Variants in REDIC1 observed in about 807,000 individuals in gnomAD.
REDIC1 encodes the protein regulator of DNA class I crossover intermediates 1.
At chr12:39,666,555 T>C in the REDIC1 span, among the ~76,000 whole-genome samples, 1 of 152,230 alleles carries the variant, frequency 6.6e-6, no homozygotes, top group Admixed American at 6.5e-5. Flanking sequence ...TGCCCGGCTT[T>C]GGTATCAGGA....
the REDIC1 span, among the ~76,000 whole-genome samples, chr12:39,700,128 A>C: frequency 6.6e-6 from 1 of 152,326 alleles, no homozygotes; most frequent in South Asian, 2.1e-4. Context: ...GCTTCAGACA[A>C]TCAAATTACT....
the REDIC1 span, among the ~76,000 whole-genome samples, chr12:39,703,991 A>C: frequency 6.6e-6 from 1 of 152,232 alleles, no homozygotes; most frequent in African/African-American, 2.4e-5. Context: ...AAGCCTAGGC[A>C]TTACCATTCA....
At chr12:39,672,216 G>C in the REDIC1 span, among the ~76,000 whole-genome samples, 1 of 152,134 alleles carries the variant, frequency 6.6e-6, no homozygotes, top group Non-Finnish European at 1.5e-5. Flanking sequence ...CAGATGCAGG[G>C]GTGTGTGGAA....
the REDIC1 span, among the ~76,000 whole-genome samples, chr12:39,896,786 G>T: frequency 2.0e-5 from 3 of 151,996 alleles, no homozygotes; most frequent in Non-Finnish European, 2.9e-5. Flanking sequence ...GGTTATAAAA[G>T]TTGCATATAT....
At chr12:39,636,651 ATAT>A in the REDIC1 span, among the ~76,000 whole-genome samples, 4 of 152,012 alleles carry the variant, frequency 2.6e-5, no homozygotes, top group South Asian at 8.3e-4. Flanking sequence ...CAAATTTAAG[ATAT>A]TATTATAAGA....
the REDIC1 span, among the ~76,000 whole-genome samples, chr12:39,802,684 T>C: frequency 1.3e-5 from 2 of 152,200 alleles, no homozygotes; most frequent in Non-Finnish European, 1.5e-5. Flanking sequence ...TATATATGTC[T>C]ATGTATACAC....
At chr12:39,699,407 G>T in the REDIC1 span, among the ~76,000 whole-genome samples, 1 of 152,186 alleles carries the variant, frequency 6.6e-6, no homozygotes, top group Non-Finnish European at 1.5e-5. Flanking sequence ...TTAAAAAATG[G>T]CACACCAGGA....
the REDIC1 span, chr12:39,721,071 T>C: frequency 1.2e-6 from 2 of 1,613,806 alleles, no homozygotes; most frequent in South Asian, 1.1e-5. Flanking sequence ...CAAGGTGTGA[T>C]GCAGGGATAC....
At chr12:39,697,034 A>G in the REDIC1 span, among the ~76,000 whole-genome samples, 2 of 152,234 alleles carry the variant, frequency 1.3e-5, no homozygotes, top group African/African-American at 4.8e-5. Flanking sequence ...AACACCTAGC[A>G]GATTTAACCC....
the REDIC1 span, among the ~76,000 whole-genome samples, chr12:39,661,976 C>T: frequency 1.3e-5 from 2 of 151,938 alleles, no homozygotes; most frequent in Non-Finnish European, 2.9e-5. Flanking sequence ...GGGTTTATTT[C>T]TGGGTTCTCA....
chr12:39,819,350 G>A, the REDIC1 span, among the ~76,000 whole-genome samples: 1 of 151,992 alleles, frequency 6.6e-6, no homozygotes, highest in Non-Finnish European at 1.5e-5. Flanking sequence ...TAGGACCTTT[G>A]ACATTATTTT....
At chr12:39,692,398 T>C in the REDIC1 span, among the ~76,000 whole-genome samples, 1 of 151,980 alleles carries the variant, frequency 6.6e-6, no homozygotes, top group Admixed American at 6.6e-5. Context: ...TGAAGATTTC[T>C]TCAATTGTAT....
chr12:39,722,679 A>G, the REDIC1 span, among the ~76,000 whole-genome samples: 1 of 152,174 alleles, frequency 6.6e-6, no homozygotes, highest in Non-Finnish European at 1.5e-5. Context: ...TTCTGTTTTT[A>G]TCAATATCAT....
chr12:39,763,557 A>G, the REDIC1 span, among the ~76,000 whole-genome samples: 1 of 152,010 alleles, frequency 6.6e-6, no homozygotes, highest in Non-Finnish European at 1.5e-5. Flanking sequence ...TACTAGAGAG[A>G]GCTAAGGGCA....
At chr12:39,722,676 T>C in the REDIC1 span, among the ~76,000 whole-genome samples, 23 of 152,154 alleles carry the variant, frequency 1.5e-4, no homozygotes, top group African/African-American at 5.3e-4. Flanking sequence ...TAGTTCTGTT[T>C]TTATCAATAT....
At chr12:39,896,448 ATG>A in the REDIC1 span, among the ~76,000 whole-genome samples, 122 of 117,242 alleles carry the variant, frequency 1.0e-3, 1 homozygote, top group African/African-American at 1.8e-3. Context: ...ATATATGTAT[ATG>A]TGTGTATATA....
the REDIC1 span, among the ~76,000 whole-genome samples, chr12:39,720,372 A>G: frequency 6.6e-6 from 1 of 152,022 alleles, no homozygotes; most frequent in African/African-American, 2.4e-5. Flanking sequence ...TGAACAGGTT[A>G]TATGTTAGCT....
At chr12:39,631,918 TTAAG>T in the REDIC1 span, among the ~76,000 whole-genome samples, 1 of 152,118 alleles carries the variant, frequency 6.6e-6, no homozygotes, top group Non-Finnish European at 1.5e-5. Context: ...CATATGCAGT[TTAAG>T]TAATTGATGA....
At chr12:39,826,792 TA>T in the REDIC1 span, among the ~76,000 whole-genome samples, 3 of 149,596 alleles carry the variant, frequency 2.0e-5, no homozygotes, top group Non-Finnish European at 3.0e-5. Flanking sequence ...ATCATAAGTA[TA>T]TAACTTTCAG....
Sources: allele counts gnomAD v4.1 joint callset (sites outside exome capture counted in the v4.1 genomes callset), GRCh38; gene constraint gnomAD v4.1.1; transcripts MANE v1.5; gene names NCBI Gene and HGNC (gene_info 2026-07-23, HGNC 2026-07-21).